The following CDH13 variants were observed in gnomAD, a reference collection of about 807,000 sequenced individuals.
The protein encoded by CDH13 is cadherin 13, also known as cadherin-13.
A neutral mutation model predicts 63.8 loss-of-function variants in CDH13; 24 were observed. The observed-to-expected ratio is 0.38, with a 90% CI of 0.27 to 0.53. CDH13 has a LOEUF of 0.53. CDH13 is among the 20% of genes least tolerant of loss of function. CDH13 has a pLI of 0.85. For missense variants in CDH13, 1,049 were observed against 903.1 expected, an observed-to-expected ratio of 1.16 and a Z score of -2.07; for synonymous variants, 503 against 355.3, an observed-to-expected ratio of 1.42 and a Z score of -4.67.
At chr16:83,547,978 T>C (rs1459591804) in intron 7 of CDH13, among the ~76,000 whole-genome samples, 2 of 152,160 alleles carry the variant, frequency 1.3e-5, no homozygotes, top group Admixed American at 6.5e-5. Context: ...GGAATCTTCC[T>C]TGGTATCTGC....
At chr16:83,322,350 T>C (rs774520175) in intron 5 of CDH13, among the ~76,000 whole-genome samples, 8 of 152,188 alleles carry the variant, frequency 5.3e-5, no homozygotes, top group Non-Finnish European at 7.4e-5. Flanking sequence ...CCAGAGAACA[T>C]AAATGAACTG....
intron 1 of CDH13, among the ~76,000 whole-genome samples, chr16:82,635,808 T>A (rs980038456): frequency 2.6e-5 from 4 of 152,128 alleles, no homozygotes; most frequent in African/African-American, 9.7e-5. Context: ...GGTGATTAGA[T>A]CAGAGGGCGG....
At chr16:83,262,364 T>TA (rs1303494525) in intron 5 of CDH13, among the ~76,000 whole-genome samples, 5 of 152,132 alleles carry the variant, frequency 3.3e-5, no homozygotes, top group Admixed American at 3.3e-4. Context: ...GCCAGAGGAA[T>TA]CTCTTTTCCA....
intron 5 of CDH13, among the ~76,000 whole-genome samples, chr16:83,269,617 G>T (rs570904997): frequency 6.6e-6 from 1 of 152,332 alleles, no homozygotes; most frequent in South Asian, 2.1e-4. Flanking sequence ...TGAGGGTTAT[G>T]TTGTCCTTAG....
Position 82,667,153 on chromosome 16 carries a change from C to A in CDH13, c.45+40016C>A, listed in dbSNP as rs192268778. Among the ~76,000 whole-genome samples, 361 of 152,314 alleles carry A rather than the reference C, an allele frequency of 2.4e-3. 2 individuals carry two copies. The highest frequency in any genetic ancestry group is 5.6e-3 in the South Asian group (27 of 4,820). ...TTCACATCGCCTCACCTCCTAGCAG[C>A]TGGAGCAGGAATGCAGCAGTAGGGT... On this transcript the variant is annotated intron_variant, in intron 1 of 13. Transcript: ENST00000567109.
chr16:82,830,526 C>T (rs990517124), intron 1 of CDH13, among the ~76,000 whole-genome samples: 7 of 152,020 alleles, frequency 4.6e-5, no homozygotes, highest in Admixed American at 1.3e-4. Flanking sequence ...TCTACAGTGT[C>T]GTTTGCTTGT....
At chr16:82,690,789 C>G (rs1016506428) in intron 1 of CDH13, among the ~76,000 whole-genome samples, 47 of 152,242 alleles carry the variant, frequency 3.1e-4, no homozygotes, top group African/African-American at 1.1e-3. Context: ...CCTGCTCACA[C>G]CTCTGGGAGT....
At chr16:83,413,830 C>G (rs1224753712) in intron 6 of CDH13, among the ~76,000 whole-genome samples, 2 of 151,852 alleles carry the variant, frequency 1.3e-5, no homozygotes, top group African/African-American at 2.4e-5. Flanking sequence ...TCTACTAAAA[C>G]TACAAAAAAA....
At chr16:82,741,181 G>A (rs763240483) in intron 1 of CDH13, among the ~76,000 whole-genome samples, 2 of 152,108 alleles carry the variant, frequency 1.3e-5, no homozygotes, top group Non-Finnish European at 1.5e-5. Context: ...GTGAATCCCT[G>A]TTGCCATTGA....
rs560930668 is a variant in CDH13 at position 83,402,630 on chromosome 16, G to A, written c.781+57624G>A. 2.0e-5 allele frequency among the ~76,000 whole-genome samples: 3 copies of A among 152,294 alleles called. No individual in the cohort carries two copies. In the East Asian group the frequency reaches 5.8e-4, roughly 29 times the overall value. ...ACTACCATAACTCACTGTTCTCATT[G>A]ATAAATCGTTGATAATATATGCCTT... On this transcript the variant is annotated intron_variant, in intron 6 of 13. Coordinates refer to ENST00000567109, the MANE Select transcript of CDH13 (RefSeq NM_001257.5).
intron 3 of CDH13, among the ~76,000 whole-genome samples, chr16:83,043,949 G>C (rs1281966148): frequency 1.3e-5 from 2 of 152,008 alleles, no homozygotes; most frequent in Admixed American, 6.5e-5. Flanking sequence ...TCTCAATTTA[G>C]AGTATTTAAT....
Position 83,493,412 on chromosome 16 carries a change from C to G in CDH13, c.960+6757C>G, listed in dbSNP as rs74656463. On this transcript the variant is annotated intron_variant, in intron 7 of 13. Coordinates refer to ENST00000567109, the MANE Select transcript of CDH13 (RefSeq NM_001257.5). ...GAGCACCACAAATGTCTGCTGAACT[C>G]ATGGTGCTGGATATCAGGACGCAAA... Among the ~76,000 whole-genome samples the G allele has an allele frequency of 2.2e-4, 33 of 152,322 alleles. No homozygotes were observed. In the East Asian group the frequency reaches 5.8e-3, roughly 27 times the overall value.
intron 6 of CDH13, among the ~76,000 whole-genome samples, chr16:83,435,329 C>A (rs2072261626): frequency 6.6e-6 from 1 of 152,124 alleles, no homozygotes; most frequent in Non-Finnish European, 1.5e-5. Context: ...CAAGAGTGAG[C>A]CACTATGCCT....
chr16:83,199,209 C>T (rs191846454), intron 4 of CDH13, among the ~76,000 whole-genome samples: 60 of 152,338 alleles, frequency 3.9e-4, no homozygotes, highest in African/African-American at 1.3e-3. Flanking sequence ...TTAGCACCCA[C>T]GGTGCCATGT....
intron 4 of CDH13, among the ~76,000 whole-genome samples, chr16:83,150,612 C>T (rs906243935): frequency 8.5e-5 from 13 of 152,212 alleles, no homozygotes; most frequent in African/African-American, 2.9e-4. Flanking sequence ...GTCTCCAAGT[C>T]CTGTTCAGAT....
At chr16:82,899,869 C>A (rs1462950698) in intron 2 of CDH13, among the ~76,000 whole-genome samples, 1 of 152,076 alleles carries the variant, frequency 6.6e-6, no homozygotes, top group Non-Finnish European at 1.5e-5. Flanking sequence ...CATAATAGGC[C>A]CATGATTTCC....
intron 2 of CDH13, among the ~76,000 whole-genome samples, chr16:82,997,377 A>AG (rs1912364896): frequency 6.6e-6 from 1 of 152,188 alleles, no homozygotes; most frequent in African/African-American, 2.4e-5. Context: ...AGTGAGGTGA[A>AG]TGAGGTACTC....
At position 83,177,406 on chromosome 16, in the gene CDH13, C is replaced by G. The variant is rs116499256; in HGVS notation, c.484-39939C>G. 7.1e-3 allele frequency among the ~76,000 whole-genome samples: 1,074 copies of G among 152,272 alleles called. 11 individuals carry two copies. Among genetic ancestry groups the G allele is most frequent in the African/African-American group, 0.024 (1,000 of 41,552 alleles). On this transcript the variant is annotated intron_variant, in intron 4 of 13. Coordinates refer to ENST00000567109, the MANE Select transcript of CDH13 (RefSeq NM_001257.5). ...ACAAAGGGGACCCTCAATGAATAAG[C>G]ATGTCAACATCAATCACTTTCCTCA...
chr16:83,080,871 G>GTTTTTTTTTTTGTTTTT lies in CDH13; in HGVS notation c.367-44503_367-44502insGTTTTTTTTTTTTTTTT, dbSNP rs2033185148. 1.5e-4 allele frequency among the ~76,000 whole-genome samples: 7 copies of GTTTTTTTTTTTGTTTTT among 46,956 alleles called. 1 individual carries two copies. Among genetic ancestry groups the GTTTTTTTTTTTGTTTTT allele is most frequent in the Admixed American group, 3.8e-4 (1 of 2,660 alleles). The allele number at this position is 46,956 out of a possible 152,430, so 30.8% of individuals were successfully genotyped here. On this transcript the variant is annotated intron_variant, in intron 3 of 13. Transcript: ENST00000567109. Reference sequence around the variant, plus strand: ...AGATAGAGTTTTGTTTTGTTTTTGTGTTTTTTTTTTTTTTTTTTTTTTTTT... The same window carrying GTTTTTTTTTTTGTTTTT: ...AGATAGAGTTTTGTTTTGTTTTTGTGTTTTTTTTTTTGTTTTTTTTTTTTTTTTTTTTTTTTTTTTTT...
Sources: gnomAD v4.1 joint callset for allele counts (sites outside exome capture counted in the v4.1 genomes callset) on GRCh38, gnomAD v4.1.1 for gene constraint, MANE v1.5 for transcripts, NCBI Gene and HGNC (gene_info 2026-07-23, HGNC 2026-07-21) for gene names.